Variants in VAC14 observed in about 807,000 individuals in gnomAD.
VAC14 encodes the protein protein VAC14 homolog.
In VAC14, 47 loss-of-function variants were observed where a neutral mutation model predicts 85.3. The ratio of observed to expected loss-of-function variants is 0.55; its 90% CI spans 0.44 to 0.70. The LOEUF is 0.70. Among genes scored for constraint, VAC14 ranks in the 30% least tolerant of loss-of-function variants. VAC14 has a pLI of 0.00. For synonymous variants in VAC14, 447 were observed against 430.5 expected (o/e 1.04, Z -0.47); for missense variants, 861 against 1,004.3 (o/e 0.86, Z 1.93).
rs138061964 is a variant in VAC14, at chr16:70,713,834, C to T, written c.1662-15023G>A. Among the ~76,000 whole-genome samples the T allele has an allele frequency of 5.7e-3, 867 of 152,236 alleles. 4 individuals carry two copies. The highest frequency in any genetic ancestry group is 9.9e-3 in the Non-Finnish European group (670 of 68,012). On this transcript the variant is annotated intron_variant, in intron 14 of 18. Transcript: ENST00000261776. ...GCTGGGATTCTGGCGTGAGCCACTA[C>T]GCCCAGCCTGTGGGCATATATTTGA...
intron 13 of VAC14, among the ~76,000 whole-genome samples, chr16:70,742,604 G>A (rs1371657665): frequency 6.6e-6 from 1 of 152,262 alleles, no homozygotes; most frequent in Non-Finnish European, 1.5e-5. Context: ...GGGCTCCTGG[G>A]CAAGGCCCCA....
chr16:70,698,020 G>T (rs766890344), intron 15 of VAC14, among the ~76,000 whole-genome samples: 1 of 152,160 alleles, frequency 6.6e-6, no homozygotes, highest in Non-Finnish European at 1.5e-5. Flanking sequence ...CCTGGGACCC[G>T]CGTCTCTCCT....
chr16:70,785,971 G>T (rs2034036396), intron 2 of VAC14, 102 bp from the exon 3 acceptor site: 3 of 1,408,362 alleles, frequency 2.1e-6, no homozygotes, highest in Non-Finnish European at 1.9e-6. Flanking sequence ...AAGGTGCTCA[G>T]GCCTTTGTGT....
intron 18 of VAC14, chr16:70,691,491 A>G: frequency 3.0e-6 from 3 of 985,450 alleles, no homozygotes; most frequent in Non-Finnish European, 3.6e-6. Context: ...GGGAGCTGAC[A>G]GCACTCCGGC....
chr16:70,700,680 A>G (rs2142992532), intron 14 of VAC14, among the ~76,000 whole-genome samples: 1 of 152,316 alleles, frequency 6.6e-6, no homozygotes, highest in African/African-American at 2.4e-5. Context: ...GCCCTGCTGC[A>G]GAGCCCAGAC....
At chr16:70,736,016 T>C (rs1326157513) in intron 13 of VAC14, among the ~76,000 whole-genome samples, 2 of 152,244 alleles carry the variant, frequency 1.3e-5, no homozygotes, top group Non-Finnish European at 2.9e-5. Flanking sequence ...ATGAATTTGG[T>C]AGGCCGTGGT....
At chr16:70,761,641 AG>A (rs1354906060) in intron 12 of VAC14, among the ~76,000 whole-genome samples, 3 of 152,174 alleles carry the variant, frequency 2.0e-5, no homozygotes, top group Non-Finnish European at 4.4e-5. Context: ...AGGAAGAGCC[AG>A]GGGCCCCCTC....
At chr16:70,765,911 G>T (rs2032771292) in intron 10 of VAC14, among the ~76,000 whole-genome samples, 1 of 152,140 alleles carries the variant, frequency 6.6e-6, no homozygotes, top group South Asian at 2.1e-4. Flanking sequence ...GCAGGCGGAT[G>T]ATTTGAGGCC....
intron 18 of VAC14, chr16:70,690,842 C>G: frequency 1.0e-6 from 1 of 985,560 alleles, no homozygotes; most frequent in Non-Finnish European, 1.2e-6. Context: ...TCTATGGTAT[C>G]TCTTCCTAGG....
At chr16:70,725,355 C>A (rs1466110471) in intron 14 of VAC14, among the ~76,000 whole-genome samples, 1 of 152,236 alleles carries the variant, frequency 6.6e-6, no homozygotes, top group Non-Finnish European at 1.5e-5. Flanking sequence ...TTGGCCCCAG[C>A]CAAGGGCCCT....
At chr16:70,722,580 G>A (rs1235738604) in intron 14 of VAC14, among the ~76,000 whole-genome samples, 1 of 152,164 alleles carries the variant, frequency 6.6e-6, no homozygotes, top group Admixed American at 6.5e-5. Flanking sequence ...GAAACACGCT[G>A]AAAGGACACC....
chr16:70,747,331 G>A (rs941218419), intron 12 of VAC14: 3 of 152,032 alleles, frequency 2.0e-5, no homozygotes, highest in Non-Finnish European at 2.9e-5. Context: ...GACTCCTAAC[G>A]GGTGCAGGGT....
chr16:70,724,702 C>T (rs914970050), intron 14 of VAC14, among the ~76,000 whole-genome samples: 17 of 152,216 alleles, frequency 1.1e-4, no homozygotes, highest in Non-Finnish European at 4.4e-5. Flanking sequence ...AGCCCTGGCC[C>T]CTGGGCGGGG....
chr16:70,762,663 G>C lies in VAC14; in HGVS notation c.1306-58C>G, dbSNP rs1239971207. On this transcript the variant is annotated intron_variant, in intron 11 of 18. Coordinates refer to ENST00000261776, the MANE Select transcript of VAC14 (RefSeq NM_018052.5). The surrounding 1 kb of genome is among the most constrained non-coding windows in gnomAD (Gnocchi z 4.1). The stretch of plus-strand genomic sequence containing the variant: ...TGCTCCCTTCGCCCCGGGACTACGT[G>C]CAGTGCAGTGTCCCGCTGGTGTGCA... 3.8e-6 allele frequency: 6 copies of C among 1,571,878 alleles called. No homozygotes were observed. In the African/African-American group the frequency reaches 6.8e-5, roughly 18 times the overall value.
chr16:70,768,957 C>T (rs1018734521), intron 10 of VAC14: 15 of 282,376 alleles, frequency 5.3e-5, no homozygotes, highest in African/African-American at 1.2e-4. Context: ...AGTGCCACCA[C>T]GCCTGGCTAT....
intron 9 of VAC14, among the ~76,000 whole-genome samples, chr16:70,777,337 C>A (rs2033572778): frequency 6.6e-6 from 1 of 152,202 alleles, no homozygotes; most frequent in Non-Finnish European, 1.5e-5. Flanking sequence ...AAACACACAA[C>A]CACACTATAG....
intron 18 of VAC14, among the ~76,000 whole-genome samples, chr16:70,692,347 C>T (rs1189244403): frequency 6.6e-6 from 1 of 151,876 alleles, no homozygotes; most frequent in Non-Finnish European, 1.5e-5. Context: ...ATGGGGTCTC[C>T]CAGTGACCCA....
intron 13 of VAC14, among the ~76,000 whole-genome samples, chr16:70,734,023 C>T (rs2054674077): frequency 6.6e-6 from 1 of 152,070 alleles, no homozygotes. Flanking sequence ...GGGGTTTCAC[C>T]ATGTTAGCCA....
chr16:70,736,320 A>G (rs1474040937), intron 13 of VAC14, among the ~76,000 whole-genome samples: 1 of 152,240 alleles, frequency 6.6e-6, no homozygotes, highest in Non-Finnish European at 1.5e-5. Flanking sequence ...CAAGCGTCCC[A>G]TAGCGCAGAG....
Sources: allele counts gnomAD v4.1 joint callset (sites outside exome capture counted in the v4.1 genomes callset), GRCh38; gene constraint gnomAD v4.1.1; non-coding constraint Gnocchi (gnomAD v3.1); transcripts MANE v1.5; gene names NCBI Gene and HGNC (gene_info 2026-07-23, HGNC 2026-07-21).